LRBA: variants seen among roughly 807,000 people sequenced by gnomAD.
The protein encoded by LRBA is LPS responsive beige-like anchor protein, also known as lipopolysaccharide-responsive and beige-like anchor protein.
In LRBA, 176 loss-of-function variants were observed where a neutral mutation model predicts 330.0. The observed-to-expected ratio is 0.53, with a 90% CI of 0.47 to 0.60. The LOEUF is 0.60. LRBA is among the 20% of genes least tolerant of loss of function. The pLI is 0.00. For synonymous variants in LRBA, 1,230 were observed against 1,193.0 expected, an observed-to-expected ratio of 1.03 and a Z score of -0.64; for missense variants, 3,259 against 3,444.8, an observed-to-expected ratio of 0.95 and a Z score of 1.35.
At chr4:150,917,033 G>C (rs1363957617) in intron 5 of LRBA, among the ~76,000 whole-genome samples, 10 of 151,840 alleles carry the variant, frequency 6.6e-5, no homozygotes, top group African/African-American at 2.4e-4. Flanking sequence ...GGTGCCTGTA[G>C]TCCCAGCTAC....
intron 37 of LRBA, among the ~76,000 whole-genome samples, chr4:150,639,847 A>ATGTG (rs1778476878): frequency 1.5e-5 from 1 of 66,766 alleles, no homozygotes; most frequent in Non-Finnish European, 2.8e-5. Context: ...ATATATATAT[A>ATGTG]TATATATATA....
chr4:150,745,673 G>A (rs1376861031), intron 35 of LRBA, among the ~76,000 whole-genome samples: 1 of 151,852 alleles, frequency 6.6e-6, no homozygotes, highest in Non-Finnish European at 1.5e-5. Flanking sequence ...GCACCACCAC[G>A]CCCAGCTAAT....
At chr4:150,405,906 T>A (rs1746132550) in intron 47 of LRBA, among the ~76,000 whole-genome samples, 1 of 151,954 alleles carries the variant, frequency 6.6e-6, no homozygotes, top group African/African-American at 2.4e-5. Flanking sequence ...AATAAAAAAC[T>A]TAGCTGGGTG....
chr4:150,304,945 T>G (rs1730167788), intron 52 of LRBA, among the ~76,000 whole-genome samples: 1 of 152,214 alleles, frequency 6.6e-6, no homozygotes. Flanking sequence ...TATAGTGATG[T>G]GATCATAGAG....
intron 37 of LRBA, among the ~76,000 whole-genome samples, chr4:150,607,569 C>T (rs1774784308): frequency 6.6e-6 from 1 of 151,108 alleles, no homozygotes; most frequent in African/African-American, 2.4e-5. Flanking sequence ...TAATATAACA[C>T]TGGAATTGAA....
rs548176098 is a variant in LRBA at position 150,777,280 on chromosome 4, C to T, written c.5581-15433G>A. ...GATCTAAATTCAATATTGTAACCTACCAAATGGAATTTGAGTTTATTTCCA... is the reference window on the plus strand; with the variant it reads ...GATCTAAATTCAATATTGTAACCTATCAAATGGAATTTGAGTTTATTTCCA... On this transcript the variant is annotated intron_variant, in intron 34 of 56. Transcript: ENST00000651943. Among the ~76,000 whole-genome samples, 291 of 152,040 alleles carry T rather than the reference C, an allele frequency of 1.9e-3. 3 individuals are homozygous for T. Among genetic ancestry groups the T allele is most frequent in the African/African-American group, 6.7e-3 (279 of 41,474 alleles).
Position 150,959,757 on chromosome 4 carries a change from G to A in LRBA, c.217-30692C>T, listed in dbSNP as rs542953854. On this transcript the variant is annotated intron_variant, in intron 2 of 56. Coordinates refer to ENST00000651943, the MANE Select transcript of LRBA (RefSeq NM_001364905.1). ...ATATTTATATAATATGTAACATAGT[G>A]TAAATCTAATATACTTATTATATTA... Among the ~76,000 whole-genome samples the A allele has an allele frequency of 4.3e-4, 62 of 144,502 alleles. 1 individual carries two copies. In the South Asian group the frequency reaches 0.012, roughly 27 times the overall value. The allele number at this position is 144,502 out of a possible 152,430, so 94.8% of individuals were successfully genotyped here. A position where few individuals can be genotyped will look rare whatever the true frequency, so the allele number is the denominator to read the frequency against.
intron 2 of LRBA, chr4:150,970,661 G>GA (rs2149585758): frequency 6.6e-6 from 1 of 150,988 alleles, no homozygotes; most frequent in Admixed American, 6.6e-5. Flanking sequence ...CTACTTTATT[G>GA]CAGTGCTCTC....
chr4:150,608,616 C>T (rs927159815), intron 37 of LRBA, among the ~76,000 whole-genome samples: 1 of 152,092 alleles, frequency 6.6e-6, no homozygotes. Flanking sequence ...ATGTATACAC[C>T]ATAATGCTCA....
chr4:150,863,994 A>C (rs547660678), intron 22 of LRBA, among the ~76,000 whole-genome samples: 6 of 152,190 alleles, frequency 3.9e-5, no homozygotes, highest in African/African-American at 1.4e-4. Flanking sequence ...GCTGGAGTGC[A>C]GTGGTACGAT....
chr4:150,671,576 T>C (rs1198759751), intron 37 of LRBA, among the ~76,000 whole-genome samples: 2 of 152,170 alleles, frequency 1.3e-5, no homozygotes, highest in African/African-American at 4.8e-5. Flanking sequence ...TACAAATCAG[T>C]CACTAAGTAC....
intron 2 of LRBA, among the ~76,000 whole-genome samples, chr4:150,941,135 T>C (rs1329709479): frequency 1.3e-5 from 2 of 152,170 alleles, no homozygotes; most frequent in African/African-American, 4.8e-5. Flanking sequence ...CCTAGGGATG[T>C]CTTCAGCATG....
chr4:150,486,636 A>G (rs1757905048), intron 42 of LRBA, among the ~76,000 whole-genome samples: 1 of 151,742 alleles, frequency 6.6e-6, no homozygotes, highest in South Asian at 2.1e-4. Flanking sequence ...TATATCCATT[A>G]CCTCATATAT....
At chr4:150,892,048 T>C (rs144261116) in intron 17 of LRBA, among the ~76,000 whole-genome samples, 148 of 152,230 alleles carry the variant, frequency 9.7e-4, no homozygotes, top group African/African-American at 3.1e-3. Context: ...CCCGTGATCA[T>C]ACCACTGCAC....
chr4:151,006,843 C>G (rs910604824), intron 2 of LRBA, among the ~76,000 whole-genome samples: 1 of 152,130 alleles, frequency 6.6e-6, no homozygotes, highest in African/African-American at 2.4e-5. Context: ...TTCACCAATT[C>G]ACCCAAATTT....
At chr4:150,357,731 G>A (rs1221209066) in intron 47 of LRBA, among the ~76,000 whole-genome samples, 1 of 150,320 alleles carries the variant, frequency 6.7e-6, no homozygotes, top group Non-Finnish European at 1.5e-5. Context: ...TTATGTGTTT[G>A]CATTTTGCAA....
intron 54 of LRBA, among the ~76,000 whole-genome samples, chr4:150,285,629 C>T (rs554344836): frequency 2.6e-5 from 4 of 152,312 alleles, no homozygotes; most frequent in Non-Finnish European, 5.9e-5. Context: ...ACATCTTAAA[C>T]TCCTTAGAGC....
At chr4:150,472,819 C>T (rs1162252919) in intron 42 of LRBA, among the ~76,000 whole-genome samples, 1 of 151,964 alleles carries the variant, frequency 6.6e-6, no homozygotes, top group East Asian at 1.9e-4. Flanking sequence ...AGCATGTATC[C>T]ACAGTTCATT....
chr4:150,537,192 A>C (rs974540131), intron 40 of LRBA, among the ~76,000 whole-genome samples: 2 of 152,120 alleles, frequency 1.3e-5, no homozygotes, highest in African/African-American at 4.8e-5. Flanking sequence ...CTACAACAAA[A>C]GTTTTAAAAA....
Sources: gnomAD v4.1 joint callset for allele counts (sites outside exome capture counted in the v4.1 genomes callset) on GRCh38, gnomAD v4.1.1 for gene constraint, MANE v1.5 for transcripts, NCBI Gene and HGNC (gene_info 2026-07-23, HGNC 2026-07-21) for gene names.